The following MAN1A2 variants were observed in gnomAD, a reference collection of about 807,000 sequenced individuals.
MAN1A2 encodes mannosyl-oligosaccharide 1,2-alpha-mannosidase IB.
In MAN1A2, 26 loss-of-function variants were observed where a neutral mutation model predicts 75.7. That is an observed-to-expected ratio of 0.34 (90% confidence interval 0.25 to 0.48). The LOEUF (loss-of-function observed/expected upper bound fraction) is 0.48, where lower values mean the gene tolerates loss of function less well. MAN1A2 is among the 20% of genes least tolerant of loss of function. The pLI is 0.99. For synonymous variants in MAN1A2, 247 were observed against 264.6 expected (o/e 0.93, Z 0.65); for missense variants, 562 against 775.5 (o/e 0.72, Z 3.27).
intron 10 of MAN1A2, among the ~76,000 whole-genome samples, 153 bp from the exon 11 acceptor site, chr1:117,499,229 A>T (rs757921755): frequency 1.3e-5 from 2 of 152,012 alleles, no homozygotes; most frequent in Non-Finnish European, 2.9e-5. Context: ...TGGATCTTTT[A>T]AAATGACTCA....
chr1:117,458,509 AT>A (rs1649690492), intron 6 of MAN1A2, among the ~76,000 whole-genome samples: 1 of 101,494 alleles, frequency 9.9e-6, no homozygotes, highest in South Asian at 3.6e-4. Flanking sequence ...ATATATATAT[AT>A]AGATATATAT....
At chr1:117,416,482 A>G (rs1054130816) in intron 4 of MAN1A2, among the ~76,000 whole-genome samples, 1 of 152,174 alleles carries the variant, frequency 6.6e-6, no homozygotes. Flanking sequence ...CATCTGTGCA[A>G]TACTCCCATT....
chr1:117,498,855 T>C (rs1184669589), intron 10 of MAN1A2, among the ~76,000 whole-genome samples: 1 of 151,934 alleles, frequency 6.6e-6, no homozygotes, highest in Non-Finnish European at 1.5e-5. Flanking sequence ...TTTTAAAATA[T>C]CCATTCATTT....
intron 1 of MAN1A2, among the ~76,000 whole-genome samples, chr1:117,380,812 T>G (rs1653310682): frequency 6.6e-6 from 1 of 152,194 alleles, no homozygotes; most frequent in Non-Finnish European, 1.5e-5. Flanking sequence ...CCAGGTTTGT[T>G]ATTCTTTTTC....
chr1:117,445,679 A>G (rs1042276449), intron 6 of MAN1A2, among the ~76,000 whole-genome samples: 1 of 151,712 alleles, frequency 6.6e-6, no homozygotes, highest in Non-Finnish European at 1.5e-5. Flanking sequence ...GGTGTGTGAC[A>G]CCACACCTAG....
chr1:117,488,276 A>G (rs528477056), intron 8 of MAN1A2, among the ~76,000 whole-genome samples: 1 of 151,908 alleles, frequency 6.6e-6, no homozygotes, highest in South Asian at 2.1e-4. Flanking sequence ...CAGTGTTGCA[A>G]CTTCTGCCTC....
rs1339110897 is a variant in MAN1A2 at position 117,521,262 on chromosome 1, G to A, written c.1794-1563G>A. Among the ~76,000 whole-genome samples, 3 of 152,014 alleles carry A rather than the reference G, an allele frequency of 2.0e-5. No homozygotes were observed. The East Asian group carries it at 5.8e-4, about 29-fold the overall frequency. The stretch of plus-strand genomic sequence containing the variant: ...ACATTGGCTTAGGCAAGGATTTCAT[G>A]ACCAAGAACCCAAAAGCAAATGCAA... On this transcript the variant is annotated intron_variant, in intron 12 of 12. Coordinates refer to ENST00000356554, the MANE Select transcript of MAN1A2 (RefSeq NM_006699.5).
intron 8 of MAN1A2, among the ~76,000 whole-genome samples, chr1:117,476,167 T>C (rs1650306476): frequency 6.6e-6 from 1 of 152,196 alleles, no homozygotes; most frequent in African/African-American, 2.4e-5. Context: ...TGTCTTCTTT[T>C]GAGAGGTGTC....
chr1:117,452,337 G>A (rs545418199), intron 6 of MAN1A2, among the ~76,000 whole-genome samples: 1 of 151,836 alleles, frequency 6.6e-6, no homozygotes, highest in Admixed American at 6.6e-5. Context: ...AAATAATTAA[G>A]CTTAGTGAGG....
chr1:117,369,137 C>A (rs1652870105), intron 1 of MAN1A2, among the ~76,000 whole-genome samples: 1 of 152,104 alleles, frequency 6.6e-6, no homozygotes, highest in Admixed American at 6.5e-5. Flanking sequence ...GGCTTGTAGA[C>A]AAGATTTATT....
intron 1 of MAN1A2, among the ~76,000 whole-genome samples, chr1:117,382,561 A>G (rs1653379854): frequency 6.6e-6 from 1 of 152,194 alleles, no homozygotes; most frequent in African/African-American, 2.4e-5. Flanking sequence ...TGGTACCAGT[A>G]CCATGCTGCT....
chr1:117,497,044 C>A, intron 10 of MAN1A2, 62 bp downstream of exon 10: 2 of 1,377,948 alleles, frequency 1.5e-6, no homozygotes, highest in South Asian at 1.3e-5. Flanking sequence ...AAAATGTGTT[C>A]AGCAATAAGA....
intron 6 of MAN1A2, among the ~76,000 whole-genome samples, chr1:117,453,066 T>A (rs567331867): frequency 6.6e-6 from 1 of 152,338 alleles, no homozygotes; most frequent in Non-Finnish European, 1.5e-5. Context: ...GCACATCTGT[T>A]GATGGCAGAG....
At chr1:117,395,544 T>G (rs60413336) in intron 1 of MAN1A2, among the ~76,000 whole-genome samples, 38,286 of 152,022 alleles carry the variant, frequency 0.25, 5,605 homozygotes, top group East Asian at 0.48. Flanking sequence ...CCCTTGCTCT[T>G]CAAGGATCAG....
intron 1 of MAN1A2, among the ~76,000 whole-genome samples, chr1:117,391,013 A>G (rs540936501): frequency 1.1e-4 from 17 of 152,290 alleles, no homozygotes; most frequent in Non-Finnish European, 2.1e-4. Flanking sequence ...ATTATCTGCA[A>G]TGATCACCAG....
chr1:117,492,860 C>T lies in MAN1A2; in HGVS notation c.1169-287C>T, dbSNP rs547436222. 2.6e-5 allele frequency among the ~76,000 whole-genome samples: 4 copies of T among 151,948 alleles called. No individual in the cohort carries two copies. The East Asian group carries it at 7.8e-4, about 30-fold the overall frequency. On this transcript the variant is annotated intron_variant, in intron 8 of 12. Coordinates refer to ENST00000356554, the MANE Select transcript of MAN1A2 (RefSeq NM_006699.5). ...AATTATCAATTCTGGAAAAGTTTGG[C>T]TCTATGACAGTGAACAAACTGTAAT... is the stretch of plus-strand genomic sequence containing the variant.
chr1:117,379,799 A>G (rs544296722), intron 1 of MAN1A2, among the ~76,000 whole-genome samples: 9 of 152,272 alleles, frequency 5.9e-5, no homozygotes, highest in Middle Eastern at 3.4e-3. Flanking sequence ...ACACTGTAAC[A>G]GGTAACAGGT....
intron 7 of MAN1A2, among the ~76,000 whole-genome samples, chr1:117,461,678 T>TA (rs1343598001): frequency 6.6e-6 from 1 of 152,008 alleles, no homozygotes; most frequent in African/African-American, 2.4e-5. Context: ...CCATAAAAAT[T>TA]AAAAATAAAA....
chr1:117,492,378 A>G (rs1452632275), intron 8 of MAN1A2, among the ~76,000 whole-genome samples: 1 of 152,076 alleles, frequency 6.6e-6, no homozygotes, highest in Non-Finnish European at 1.5e-5. Context: ...GCCTCAGATC[A>G]TTTGCATTTT....
Sources: allele counts gnomAD v4.1 joint callset (sites outside exome capture counted in the v4.1 genomes callset), GRCh38; gene constraint gnomAD v4.1.1; transcripts MANE v1.5; gene names NCBI Gene and HGNC (gene_info 2026-07-23, HGNC 2026-07-21).